The following MCAM variants were observed in gnomAD, a reference collection of about 807,000 sequenced individuals.
The protein encoded by MCAM is cell surface glycoprotein MUC18.
In MCAM, 55 loss-of-function variants were observed where a neutral mutation model predicts 79.1. The ratio of observed to expected loss-of-function variants is 0.70; its 90% CI spans 0.56 to 0.87. The LOEUF (loss-of-function observed/expected upper bound fraction) is 0.87, where lower values mean the gene tolerates loss of function less well. Among genes scored for constraint, MCAM ranks in the 40% least tolerant of loss-of-function variants. The pLI, the probability that MCAM is intolerant of heterozygous loss-of-function variation, is 0.00. For synonymous variants in MCAM, 330 were observed against 339.8 expected, an observed-to-expected ratio of 0.97 and a Z score of 0.32; for missense variants, 745 against 839.8, an observed-to-expected ratio of 0.89 and a Z score of 1.40.
intron 15 of MCAM, 130 bp from the exon 16 acceptor site, chr11:119,310,045 G>A: frequency 1.3e-6 from 1 of 798,338 alleles, no homozygotes; most frequent in Non-Finnish European, 2.1e-6. Flanking sequence ...AGGAAGCTAG[G>A]ATGGGCATGG....
chr11:119,309,785 G>A lies in MCAM; in HGVS notation c.*101C>T. 1.6e-6 allele frequency: 2 copies of A among 1,243,900 alleles called. No homozygotes were observed. Among genetic ancestry groups the A allele is most frequent in the Non-Finnish European group, 1.2e-6 (1 of 867,670 alleles). 77.1% of individuals were successfully genotyped at this position (1,243,900 alleles called of 1,614,324 possible). A position where few individuals can be genotyped will look rare whatever the true frequency, so the allele number is the denominator to read the frequency against. ...AGGGGGTGTGCAGGCGAGGGGAGCA[G>A]GAGGCTTCTCTCTAGTCCCTTTGGA... On this transcript the variant is annotated 3_prime_UTR_variant, in exon 16 of 16. Coordinates refer to ENST00000264036, the MANE Select transcript of MCAM (RefSeq NM_006500.3).
At position 119,311,697 on chromosome 11, in the gene MCAM, CCT is replaced by C. The variant is rs764459524; in HGVS notation, c.1286-48_1286-47del. ...TGAGGTGGCAAGCCCAGCTAGCCTG[CCT>C]CCCCCTCCGCACCAGAGCTCCCCAG... On this transcript the variant is annotated intron_variant, in intron 10 of 15. Transcript: ENST00000264036. This position sits in a 1 kb window ranked among gnomAD's most constrained non-coding sequence, Gnocchi z 4.4. The C allele has an allele frequency of 6.1e-4, 987 of 1,612,062 alleles. No individual in the cohort carries two copies. Among genetic ancestry groups the C allele is most frequent in the Non-Finnish European group, 7.8e-4 (917 of 1,178,734 alleles).
At chr11:119,313,987 C>A in intron 5 of MCAM, 1 of 975,430 alleles carries the variant, frequency 1.0e-6, no homozygotes, top group Non-Finnish European at 1.2e-6. Context: ...TGAAAGAACA[C>A]ACCCTGATAG....
At chr11:119,310,227 C>T (rs1950209889) in intron 15 of MCAM, 122 bp downstream of exon 15, 2 of 752,850 alleles carry the variant, frequency 2.7e-6, no homozygotes, top group South Asian at 1.6e-5. Flanking sequence ...GTTAAGAAGG[C>T]AAGATGGGGC....
Position 119,312,882 on chromosome 11 carries a change from C to G in MCAM, c.627G>C (p.Lys209Asn), listed in dbSNP as rs1310090818. The change falls in exon 6 of 16, where the codon AAG (lysine) becomes AAC (asparagine). Residue 209 changes from lysine (K) to asparagine (N), a missense_variant. Physicochemically the swap from Lys to Asn is moderately conservative, Grantham distance 94. Coordinates refer to ENST00000264036, the MANE Select transcript of MCAM (RefSeq NM_006500.3). The surrounding 1 kb of genome is among the most constrained non-coding windows in gnomAD (Gnocchi z 4.9). Reference protein sequence around the residue: ...SGLYTLQSILKAQLVKEDKDA... With the variant: ...SGLYTLQSILNAQLVKEDKDA... ...CTTTGTCTTCTTTAACCAGCTGTGC[C>G]TTCAGAATACTCTGCAAGGTGTACA... 2 of 1,614,078 alleles carry G rather than the reference C, an allele frequency of 1.2e-6. No individual in the cohort carries two copies. Among genetic ancestry groups the G allele is most frequent in the Non-Finnish European group, 8.5e-7 (1 of 1,180,058 alleles).
rs1223305128 is a variant in MCAM at position 119,312,112 on chromosome 11, G to A, written c.1083C>T (p.Leu361=). The change falls in exon 9 of 16, where the codon CTC becomes CTT. Residue 361 remains leucine (L), a synonymous_variant. Coordinates refer to ENST00000264036, the MANE Select transcript of MCAM (RefSeq NM_006500.3). The surrounding 1 kb of genome is among the most constrained non-coding windows in gnomAD (Gnocchi z 4.9). ...AAPERQEGSS[L]TLTCEAESSQ... ...TACTCTCTGCCTCACAGGTCAGGGTGAGGCTGCTGCCTTCCTGTCTCTCAG... is the reference window on the plus strand; with the variant it reads ...TACTCTCTGCCTCACAGGTCAGGGTAAGGCTGCTGCCTTCCTGTCTCTCAG... 1.2e-6 allele frequency: 2 copies of A among 1,613,590 alleles called. No individual in the cohort carries two copies. Among genetic ancestry groups the A allele is most frequent in the South Asian group, 2.2e-5 (2 of 90,996 alleles).
At position 119,311,806 on chromosome 11, in the gene MCAM, A is replaced by G; in HGVS notation, c.1285+2T>C. The G allele has an allele frequency of 6.2e-7, 1 of 1,613,954 alleles. No individual in the cohort carries two copies. The highest frequency in any genetic ancestry group is 1.7e-5 in the Admixed American group (1 of 59,994). ...GGTCTCTACCCAGAGGGAGGGCCTC[A>G]CCAAAAATGGCCACGTTGACCAGCT... is the stretch of plus-strand genomic sequence containing the variant. On this transcript the variant is annotated splice_donor_variant, in intron 10 of 15. Transcript: ENST00000264036. LOFTEE classifies it high-confidence loss of function. The surrounding 1 kb of genome is among the most constrained non-coding windows in gnomAD (Gnocchi z 4.4).
Position 119,311,676 on chromosome 11 carries a change from G to T in MCAM, c.1286-25C>A. ...CCTTGGGGAGGTAGGGAGAGGTGAG[G>T]TGGCAAGCCCAGCTAGCCTGCCTCC... is the stretch of plus-strand genomic sequence containing the variant. On this transcript the variant is annotated intron_variant, in intron 10 of 15. Transcript: ENST00000264036. This position sits in a 1 kb window ranked among gnomAD's most constrained non-coding sequence, Gnocchi z 4.4. 6.2e-7 allele frequency: 1 copy of T among 1,613,634 alleles called. No individual in the cohort carries two copies. Among genetic ancestry groups the T allele is most frequent in the Non-Finnish European group, 8.5e-7 (1 of 1,179,732 alleles).
chr11:119,311,223 G>A lies in MCAM; in HGVS notation c.1550-38C>T. The A allele has an allele frequency of 6.2e-7, 1 of 1,613,092 alleles. No homozygotes were observed. The highest frequency in any genetic ancestry group is 8.5e-7 in the Non-Finnish European group (1 of 1,179,108). ...GGGAGGGGTGTTAGGAGAAGCGCAA[G>A]TTACTGCCCGTGCCTGGGCCTGCCC... On this transcript the variant is annotated intron_variant, in intron 12 of 15. Transcript: ENST00000264036. This position sits in a 1 kb window ranked among gnomAD's most constrained non-coding sequence, Gnocchi z 4.4.
In MCAM at chr11:119,315,324, C is replaced by A; in HGVS notation, c.68-61G>T. 1 of 1,550,594 alleles carries A rather than the reference C, an allele frequency of 6.4e-7. No homozygotes were observed. ...AGCTCCGGCTGCTGTCCGCCCCTCC[C>A]CTCGCAGCGCTGCTGCAGCTGTTTT... On this transcript the variant is annotated intron_variant, in intron 1 of 15. Coordinates refer to ENST00000264036, the MANE Select transcript of MCAM (RefSeq NM_006500.3). This position sits in a 1 kb window ranked among gnomAD's most constrained non-coding sequence, Gnocchi z 4.4.
At chr11:119,310,558 C>A in intron 14 of MCAM, 92 bp from the exon 15 acceptor site, 1 of 1,110,398 alleles carries the variant, frequency 9.0e-7, no homozygotes, top group Non-Finnish European at 1.4e-6. Flanking sequence ...ATGAGGGCTC[C>A]TTGCTCCAGG....
chr11:119,315,189 A>C lies in MCAM; in HGVS notation c.142T>G (p.Cys48Gly). ...VEVGSTALLK[C>G]GLSQSQGNLS... is the part of the protein sequence containing the mutation. ...TTGCCTTGGGACTGGGAGAGGCCGC[A>C]CTTCAGAAGGGCTGTGCTGCCCACT... The change falls in exon 2 of 16, where the codon TGC (cysteine) becomes GGC (glycine). Residue 48 changes from cysteine (C) to glycine (G), a missense_variant. Physicochemically the swap from Cys to Gly is radical, Grantham distance 159. Coordinates refer to ENST00000264036, the MANE Select transcript of MCAM (RefSeq NM_006500.3). The surrounding 1 kb of genome is among the most constrained non-coding windows in gnomAD (Gnocchi z 4.4). 6.2e-7 allele frequency: 1 copy of C among 1,613,324 alleles called. No individual in the cohort carries two copies. The highest frequency in any genetic ancestry group is 8.5e-7 in the Non-Finnish European group (1 of 1,179,992).
rs567481048 is a variant in MCAM at position 119,317,018 on chromosome 11, C to T, written c.67+17G>A. On this transcript the variant is annotated intron_variant, in intron 1 of 15. Transcript: ENST00000264036. This position sits in a 1 kb window ranked among gnomAD's most constrained non-coding sequence, Gnocchi z 6.2. ...AGACCCCTAGCCGGGGCGCGGCCCC[C>T]CTGCGAGCGAACTCACCCGCGACGC... 2.0e-6 allele frequency: 3 copies of T among 1,529,124 alleles called. No individual in the cohort carries two copies. Among genetic ancestry groups the T allele is most frequent in the East Asian group, 2.5e-5 (1 of 39,898 alleles). 94.7% of individuals were successfully genotyped at this position (1,529,124 alleles called of 1,614,324 possible).
At position 119,309,008 on chromosome 11, in the gene MCAM, G is replaced by A. The variant is rs1950185293; in HGVS notation, c.*878C>T. On this transcript the variant is annotated 3_prime_UTR_variant, in exon 16 of 16. Transcript: ENST00000264036. The stretch of plus-strand genomic sequence containing the variant: ...TTTCCTCGAGACGGAGTCTCGCTGT[G>A]TTGCCCAGGCTGGAGTGCAGTGGCA... 1 of 152,204 alleles carries A rather than the reference G, an allele frequency of 6.6e-6. No homozygotes were observed. The highest frequency in any genetic ancestry group is 1.5e-5 in the Non-Finnish European group (1 of 68,062). 9.4% of individuals were successfully genotyped at this position (152,204 alleles called of 1,614,324 possible).
chr11:119,310,145 G>A, intron 15 of MCAM: 1 of 623,634 alleles, frequency 1.6e-6, no homozygotes, highest in Non-Finnish European at 2.8e-6. Context: ...AAAAGGTGAT[G>A]GGACAGGGTC....
chr11:119,313,123 G>A, intron 5 of MCAM, 174 bp from the exon 6 acceptor site: 1 of 1,533,580 alleles, frequency 6.5e-7, no homozygotes. Context: ...ACTGCTCAGT[G>A]TCAACCCTAG....
chr11:119,312,983 T>TCAGCCCCACCTC lies in MCAM; in HGVS notation c.560-46_560-35dup. 6.2e-7 allele frequency: 1 copy of TCAGCCCCACCTC among 1,613,196 alleles called. No individual in the cohort carries two copies. Among genetic ancestry groups the TCAGCCCCACCTC allele is most frequent in the East Asian group, 2.2e-5 (1 of 44,882 alleles). On this transcript the variant is annotated intron_variant, in intron 5 of 15. Coordinates refer to ENST00000264036, the MANE Select transcript of MCAM (RefSeq NM_006500.3). This position sits in a 1 kb window ranked among gnomAD's most constrained non-coding sequence, Gnocchi z 4.9. ...GGAGGAAGGGGAGGAAGACTCAGCC[T>TCAGCCCCACCTC]CAGCCCCACCTCCAGCCCCACCCTA...
At chr11:119,310,085 T>A in intron 15 of MCAM, 170 bp from the exon 16 acceptor site, 1 of 659,014 alleles carries the variant, frequency 1.5e-6, no homozygotes, top group Non-Finnish European at 2.7e-6. Context: ...GGCCCCCGTC[T>A]GACTGCACTG....
At position 119,316,833 on chromosome 11, in the gene MCAM, G is replaced by A. The variant is rs1950315618; in HGVS notation, c.67+202C>T. ...TCCCCGCCTTCCGAGTGCTGCTCCC[G>A]GGATACTCTAGAATCCCGGCTGCAA... On this transcript the variant is annotated intron_variant, in intron 1 of 15. Coordinates refer to ENST00000264036, the MANE Select transcript of MCAM (RefSeq NM_006500.3). The surrounding 1 kb of genome is among the most constrained non-coding windows in gnomAD (Gnocchi z 4.8). The A allele has an allele frequency of 1.9e-6, 1 of 527,290 alleles. No individual in the cohort carries two copies. Among genetic ancestry groups the A allele is most frequent in the South Asian group, 2.2e-5 (1 of 44,872 alleles). The allele number at this position is 527,290 out of a possible 1,614,324, so 32.7% of individuals were successfully genotyped here.
Sources: allele counts gnomAD v4.1 joint callset, GRCh38; gene constraint gnomAD v4.1.1; non-coding constraint Gnocchi (gnomAD v3.1); transcripts MANE v1.5; gene names NCBI Gene and HGNC (gene_info 2026-07-23, HGNC 2026-07-21).